KCNJ5: variants seen among roughly 807,000 people sequenced by gnomAD.
KCNJ5 encodes the protein potassium inwardly rectifying channel subfamily J member 5, also known as G protein-activated inward rectifier potassium channel 4.
In KCNJ5, 12 loss-of-function variants were observed where a neutral mutation model predicts 20.2. That is an observed-to-expected ratio of 0.59 (90% confidence interval 0.38 to 0.96). KCNJ5 has a LOEUF of 0.96. Among genes scored for constraint, KCNJ5 ranks in the 40% least tolerant of loss-of-function variants. The pLI, the probability that KCNJ5 is intolerant of heterozygous loss-of-function variation, is 0.00. For missense variants in KCNJ5, 449 were observed against 557.6 expected (o/e 0.81, Z 1.96); for synonymous variants, 210 against 213.9 (o/e 0.98, Z 0.16).
intron 1 of KCNJ5, among the ~76,000 whole-genome samples, chr11:128,910,526 G>A (rs1267634590): frequency 3.9e-5 from 6 of 152,190 alleles, no homozygotes; most frequent in African/African-American, 1.4e-4. Context: ...AAGATAAATA[G>A]AGACAGCAAG....
chr11:128,915,946 G>C (rs778503708), intron 2 of KCNJ5, among the ~76,000 whole-genome samples: 2 of 149,522 alleles, frequency 1.3e-5, no homozygotes, highest in African/African-American at 2.5e-5. Flanking sequence ...TGGGTGGATA[G>C]ATAGATGATG....
chr11:128,893,438 A>G (rs1944124614), intron 1 of KCNJ5, among the ~76,000 whole-genome samples: 1 of 152,204 alleles, frequency 6.6e-6, no homozygotes, highest in Admixed American at 6.5e-5. Flanking sequence ...TCTCAAAAAA[A>G]AAAGAAATAA....
At chr11:128,907,694 C>T (rs534733539) in intron 1 of KCNJ5, among the ~76,000 whole-genome samples, 2 of 152,206 alleles carry the variant, frequency 1.3e-5, no homozygotes, top group African/African-American at 2.4e-5. Context: ...CCTTTCCCTG[C>T]GTCCTGCAGA....
intron 1 of KCNJ5, chr11:128,902,683 T>A: frequency 6.2e-7 from 1 of 1,613,466 alleles, no homozygotes; most frequent in Non-Finnish European, 8.5e-7. Flanking sequence ...TTTGTTGTCC[T>A]GAGGACTGAC....
In KCNJ5 at chr11:128,911,288, T is replaced by C. The variant is rs1250158389; in HGVS notation, c.15T>C (p.Ser5=). ...GCATCCCAGCTATGGCTGGCGATTC[T>C]AGGAATGCCATGAACCAGGACATGG... The part of the protein sequence containing the change: MAGD[S]RNAMNQDMEI... Residue 5 remains serine, a synonymous_variant, in exon 2 of 3, where the codon TCT becomes TCC. Transcript: ENST00000529694. This position sits in a 1 kb window ranked among gnomAD's most constrained non-coding sequence, Gnocchi z 6.3. 2 of 1,614,050 alleles carry C rather than the reference T, an allele frequency of 1.2e-6. No individual in the cohort carries two copies. Among genetic ancestry groups the C allele is most frequent in the Non-Finnish European group, 1.7e-6 (2 of 1,180,016 alleles).
In KCNJ5 at chr11:128,911,620, G is replaced by T. The variant is rs1211063624; in HGVS notation, c.347G>T (p.Gly116Val). The T allele has an allele frequency of 1.9e-6, 3 of 1,614,068 alleles. No homozygotes were observed. The highest frequency in any genetic ancestry group is 2.2e-5 in the East Asian group (1 of 44,894). Reference sequence around the variant, plus strand: ...TGGTGGCTCATTGCTTATATCCGGGGTGACCTGGACCATGTTGGCGACCAA... The same window carrying T: ...TGGTGGCTCATTGCTTATATCCGGGTTGACCTGGACCATGTTGGCGACCAA... ...FIWWLIAYIR[G>V]DLDHVGDQEW... is the part of the protein sequence containing the mutation. Residue 116 changes from glycine to valine, a missense_variant, in exon 2 of 3, where the codon GGT becomes GTT. Gly to Val is a moderately radical substitution (Grantham distance 109). Coordinates refer to ENST00000529694, the MANE Select transcript of KCNJ5 (RefSeq NM_000890.5). The surrounding 1 kb of genome is among the most constrained non-coding windows in gnomAD (Gnocchi z 6.3).
intron 1 of KCNJ5, chr11:128,905,578 A>G (rs1944393769): frequency 6.7e-6 from 1 of 149,916 alleles, no homozygotes; most frequent in African/African-American, 2.4e-5. Flanking sequence ...CGATCCGGCC[A>G]AGAGATGGCG....
At chr11:128,902,521 G>T (rs1944304654) in intron 1 of KCNJ5, 1 of 1,567,030 alleles carries the variant, frequency 6.4e-7, no homozygotes, top group Non-Finnish European at 8.7e-7. Flanking sequence ...GGGGGAGGGG[G>T]CTGGGGAGCA....
Position 128,919,978 on chromosome 11 carries a change from CCA to C in KCNJ5, c.*3250_*3251del, listed in dbSNP as rs1418656966. 6.6e-6 allele frequency: 1 copy of C among 152,196 alleles called. No homozygotes were observed. Among genetic ancestry groups the C allele is most frequent in the East Asian group, 1.9e-4 (1 of 5,198 alleles). The allele number at this position is 152,196 out of a possible 1,614,324, so 9.4% of individuals were successfully genotyped here. A position where few individuals can be genotyped will look rare whatever the true frequency, so the allele number is the denominator to read the frequency against. ...AGATGGGGTCATGCGCTGGTCATTC[CCA>C]CAGTCTTGAGTATCTCCAAAATCCC... On this transcript the variant is annotated 3_prime_UTR_variant, in exon 3 of 3. Coordinates refer to ENST00000529694, the MANE Select transcript of KCNJ5 (RefSeq NM_000890.5).
chr11:128,911,648 G>C lies in KCNJ5; in HGVS notation c.375G>C (p.Glu125Asp), dbSNP rs200151607. The change falls in exon 2 of 3, where the codon GAG (glutamate) becomes GAC (aspartate). Residue 125 changes from glutamate (E) to aspartate (D), a missense_variant. Transcript: ENST00000529694. The surrounding 1 kb of genome is among the most constrained non-coding windows in gnomAD (Gnocchi z 6.3). ...RGDLDHVGDQ[E>D]WIPCVENLSG... ...ACCTGGACCATGTTGGCGACCAAGA[G>C]TGGATTCCTTGTGTTGAAAACCTCA... 9.3e-6 allele frequency: 15 copies of C among 1,614,234 alleles called. No individual in the cohort carries two copies. The highest frequency in any genetic ancestry group is 2.7e-5 in the African/African-American group (2 of 75,066).
rs147231878 is a variant in KCNJ5, at chr11:128,911,282, C to A, written c.9C>A (p.Gly3=). 1.2e-6 allele frequency: 2 copies of A among 1,613,744 alleles called. No individual in the cohort carries two copies. Among genetic ancestry groups the A allele is most frequent in the Non-Finnish European group, 1.7e-6 (2 of 1,179,836 alleles). ...CTCAAAGCATCCCAGCTATGGCTGG[C>A]GATTCTAGGAATGCCATGAACCAGG... The part of the protein sequence containing the change: MA[G]DSRNAMNQDM... Residue 3 remains glycine, a synonymous_variant, in exon 2 of 3, where the codon GGC becomes GGA. Coordinates refer to ENST00000529694, the MANE Select transcript of KCNJ5 (RefSeq NM_000890.5). The surrounding 1 kb of genome is among the most constrained non-coding windows in gnomAD (Gnocchi z 6.3).
At chr11:128,892,161 T>C (rs1385470997) in intron 1 of KCNJ5, among the ~76,000 whole-genome samples, 2 of 152,224 alleles carry the variant, frequency 1.3e-5, no homozygotes, top group East Asian at 1.9e-4. Flanking sequence ...CTTTCTCTTT[T>C]AAGTGTGGCC....
intron 1 of KCNJ5, among the ~76,000 whole-genome samples, chr11:128,897,435 A>G (rs1275178954): frequency 1.3e-5 from 2 of 151,960 alleles, no homozygotes; most frequent in African/African-American, 4.8e-5. Flanking sequence ...TGCCCCCCAT[A>G]TATCCTCCTT....
chr11:128,903,125 C>G (rs903408739), intron 1 of KCNJ5, among the ~76,000 whole-genome samples: 1 of 152,132 alleles, frequency 6.6e-6, no homozygotes, highest in South Asian at 2.1e-4. Flanking sequence ...CCACCACCCC[C>G]TACCATGTCC....
rs1376305671 is a variant in KCNJ5 at position 128,919,602 on chromosome 11, T to C, written c.*2871T>C. ...TTTTCTAGAAGTTCTTGAATAAACA[T>C]GGACTTACTAAATGCAGAGTCTGAT... On this transcript the variant is annotated 3_prime_UTR_variant, in exon 3 of 3. Coordinates refer to ENST00000529694, the MANE Select transcript of KCNJ5 (RefSeq NM_000890.5). 6.6e-6 allele frequency: 1 copy of C among 152,270 alleles called. No homozygotes were observed. Among genetic ancestry groups the C allele is most frequent in the African/African-American group, 2.4e-5 (1 of 41,476 alleles). 9.4% of individuals were successfully genotyped at this position (152,270 alleles called of 1,614,324 possible). A position where few individuals can be genotyped will look rare whatever the true frequency, so the allele number is the denominator to read the frequency against.
Position 128,911,570 on chromosome 11 carries a change from C to G in KCNJ5, c.297C>G (p.Val99=), listed in dbSNP as rs202046790. The change falls in exon 2 of 3, where the codon GTC becomes GTG. Residue 99 remains valine (V), a synonymous_variant. Coordinates refer to ENST00000529694, the MANE Select transcript of KCNJ5 (RefSeq NM_000890.5). The surrounding 1 kb of genome is among the most constrained non-coding windows in gnomAD (Gnocchi z 6.3). ...TCGTCTTCACCATGGTTTACACTGTCACCTGGCTGTTCTTCGGCTTCATTT... is the reference window on the plus strand; with the variant it reads ...TCGTCTTCACCATGGTTTACACTGTGACCTGGCTGTTCTTCGGCTTCATTT... ...NLLVFTMVYT[V]TWLFFGFIWW... is the part of the protein sequence containing the mutation. 2.5e-6 allele frequency: 4 copies of G among 1,614,246 alleles called. No homozygotes were observed. The Admixed American group carries it at 6.7e-5, about 27-fold the overall frequency.
chr11:128,897,729 G>A (rs959356152), intron 1 of KCNJ5, among the ~76,000 whole-genome samples: 1 of 152,162 alleles, frequency 6.6e-6, no homozygotes, highest in African/African-American at 2.4e-5. Context: ...CTCTTTGCCT[G>A]CCCTAGATCT....
chr11:128,904,548 G>A (rs1352882335), intron 1 of KCNJ5: 1 of 1,237,742 alleles, frequency 8.1e-7, no homozygotes, highest in Non-Finnish European at 1.2e-6. Flanking sequence ...TGTGCACTGA[G>A]GACCAGCCGC....
At chr11:128,904,760 C>CTAAT in intron 1 of KCNJ5, 1 of 567,264 alleles carries the variant, frequency 1.8e-6, no homozygotes, top group Non-Finnish European at 3.1e-6. Flanking sequence ...GGTTCGCTGA[C>CTAAT]TAATTGACTG....
Sources: gnomAD v4.1 joint callset for allele counts (sites outside exome capture counted in the v4.1 genomes callset) on GRCh38, gnomAD v4.1.1 for gene constraint, Gnocchi (gnomAD v3.1) non-coding constraint, MANE v1.5 for transcripts, NCBI Gene and HGNC (gene_info 2026-07-23, HGNC 2026-07-21) for gene names.